PTPN21: variants seen among roughly 807,000 people sequenced by gnomAD.
The protein encoded by PTPN21 is protein tyrosine phosphatase non-receptor type 21, also known as tyrosine-protein phosphatase non-receptor type 21.
Under a neutral mutation model 131.8 loss-of-function variants are expected in PTPN21, and 77 were observed. That is an observed-to-expected ratio of 0.58 (90% CI 0.49 to 0.71). PTPN21 has a LOEUF of 0.71. PTPN21 is among the 30% of genes least tolerant of loss of function. The pLI, the probability that PTPN21 is intolerant of heterozygous loss-of-function variation, is 0.00. For synonymous variants in PTPN21, 715 were observed against 621.3 expected, an observed-to-expected ratio of 1.15 and a Z score of -2.24; for missense variants, 1,552 against 1,527.1, an observed-to-expected ratio of 1.02 and a Z score of -0.27.
chr14:88,501,020 A>C, intron 7 of PTPN21, 149 bp from the exon 8 acceptor site: 1 of 657,870 alleles, frequency 1.5e-6, no homozygotes, highest in Non-Finnish European at 2.7e-6. Flanking sequence ...AATGAGATCT[A>C]TGATCTTATA....
chr14:88,522,492 T>C (rs993036608), intron 2 of PTPN21, among the ~76,000 whole-genome samples: 2 of 151,904 alleles, frequency 1.3e-5, no homozygotes, highest in Non-Finnish European at 2.9e-5. Flanking sequence ...TTAGCTCTTT[T>C]AAATAAAGGA....
intron 10 of PTPN21, among the ~76,000 whole-genome samples, chr14:88,496,174 A>G (rs1188737835): frequency 6.6e-6 from 1 of 152,214 alleles, no homozygotes; most frequent in African/African-American, 2.4e-5. Context: ...CAAATAAAGG[A>G]TATTATTCCC....
At chr14:88,520,658 G>C (rs1325675990) in intron 2 of PTPN21, among the ~76,000 whole-genome samples, 2 of 152,076 alleles carry the variant, frequency 1.3e-5, no homozygotes, top group African/African-American at 4.8e-5. Flanking sequence ...AATAGAAAGA[G>C]CTTGATGCTT....
chr14:88,479,596 G>C lies in PTPN21; in HGVS notation c.1835C>G (p.Pro612Arg). The C allele has an allele frequency of 1.9e-6, 3 of 1,588,534 alleles. No individual in the cohort carries two copies. The East Asian group carries it at 6.7e-5, about 36-fold the overall frequency. The change falls in exon 13 of 19, where the codon CCC becomes CGC. Residue 612 changes from proline (P) to arginine (R), a missense_variant. Around this residue, in one of 4 missense-constraint regions of PTPN21, gnomAD observed 1,016 missense variants for 883.5 expected, o/e 1.15. Transcript: ENST00000556564. ...SVQTFQEDSL[P>R]VAHSLQEVSE... is the part of the protein sequence containing the mutation. ...GACCTCCTGCAGCGAGTGCGCCACG[G>C]GCAGGCTGTCCTCCTGGAACGTTTG...
At chr14:88,527,033 A>G (rs1368795669) in intron 2 of PTPN21, among the ~76,000 whole-genome samples, 1 of 152,080 alleles carries the variant, frequency 6.6e-6, no homozygotes, top group African/African-American at 2.4e-5. Flanking sequence ...TGTGTGTCAC[A>G]TTTTCCCTTA....
At chr14:88,550,177 G>A (rs2078843141) in intron 2 of PTPN21, 61 bp downstream of exon 2, 1 of 1,523,212 alleles carries the variant, frequency 6.6e-7, no homozygotes, top group Admixed American at 1.9e-5. Flanking sequence ...GCCTCTCAAA[G>A]TGCTGGGATT....
rs779385440 is a variant in PTPN21, at chr14:88,469,862, GAT to G, written c.3000+58_3000+59del. On this transcript the variant is annotated intron_variant, in intron 16 of 18. Transcript: ENST00000556564. This position sits in a 1 kb window ranked among gnomAD's most constrained non-coding sequence, Gnocchi z 4.3. ...TTCTCCACAGGTCAGGATTCCAGAT[GAT>G]TAACATTAACTGTTCTTCAGAGGCT... The G allele has an allele frequency of 1.2e-6, 2 of 1,609,728 alleles. No individual in the cohort carries two copies. The highest frequency in any genetic ancestry group is 2.7e-5 in the African/African-American group (2 of 74,848).
intron 10 of PTPN21, among the ~76,000 whole-genome samples, chr14:88,489,342 T>A (rs1244884107): frequency 6.6e-6 from 1 of 152,190 alleles, no homozygotes; most frequent in Non-Finnish European, 1.5e-5. Flanking sequence ...CATTGAAAGC[T>A]CATGCACTAA....
At chr14:88,494,794 A>G (rs1341132470) in intron 10 of PTPN21, among the ~76,000 whole-genome samples, 1 of 152,046 alleles carries the variant, frequency 6.6e-6, no homozygotes, top group African/African-American at 2.4e-5. Context: ...CAGGTGGATC[A>G]CGAGGTCAGG....
intron 3 of PTPN21, among the ~76,000 whole-genome samples, chr14:88,509,562 T>C (rs770540205): frequency 6.6e-6 from 1 of 152,228 alleles, no homozygotes; most frequent in Non-Finnish European, 1.5e-5. Context: ...GATTTCCCTC[T>C]ATAGCTAATG....
Position 88,507,909 on chromosome 14 carries a change from T to C in PTPN21, c.448+14A>G. ...TCTGATAGAACCATTTCATTATGAA[T>C]TGATCTTATTTACCTTGAACAGCTA... On this transcript the variant is annotated intron_variant, in intron 4 of 18. Coordinates refer to ENST00000556564, the MANE Select transcript of PTPN21 (RefSeq NM_007039.4). 2 of 1,492,662 alleles carry C rather than the reference T, an allele frequency of 1.3e-6. No individual in the cohort carries two copies. The highest frequency in any genetic ancestry group is 1.2e-5 in the South Asian group (1 of 83,502). The allele number at this position is 1,492,662 out of a possible 1,614,324, so 92.5% of individuals were successfully genotyped here.
intron 12 of PTPN21, among the ~76,000 whole-genome samples, chr14:88,481,636 T>G (rs1292477562): frequency 6.6e-6 from 1 of 151,934 alleles, no homozygotes; most frequent in African/African-American, 2.4e-5. Flanking sequence ...GGAGAAGAGA[T>G]GAAGGGTTAC....
intron 2 of PTPN21, among the ~76,000 whole-genome samples, chr14:88,529,424 G>C (rs896057078): frequency 6.6e-6 from 1 of 152,046 alleles, no homozygotes; most frequent in African/African-American, 2.4e-5. Context: ...CTGGTCTGTA[G>C]CCTTTTTTGG....
rs1034557318 is a variant in PTPN21 at position 88,550,632 on chromosome 14, G to A, written c.-202-13C>T. ...ATTGACGCCAGCGCTGGGGAAAGAG[G>A]AACGCCGTTAGTTAAGCAAACGTAA... On this transcript the variant is annotated splice_polypyrimidine_tract_variant and intron_variant, in intron 1 of 18. Coordinates refer to ENST00000556564, the MANE Select transcript of PTPN21 (RefSeq NM_007039.4). 1.8e-5 allele frequency: 9 copies of A among 495,220 alleles called. No homozygotes were observed. The highest frequency in any genetic ancestry group is 1.5e-4 in the African/African-American group (8 of 51,792). The allele number at this position is 495,220 out of a possible 1,614,324, so 30.7% of individuals were successfully genotyped here. A position where few individuals can be genotyped will look rare whatever the true frequency, so the allele number is the denominator to read the frequency against.
intron 2 of PTPN21, among the ~76,000 whole-genome samples, chr14:88,538,337 A>G (rs2078658466): frequency 6.6e-6 from 1 of 152,160 alleles, no homozygotes; most frequent in Non-Finnish European, 1.5e-5. Flanking sequence ...GCAAGCAGAT[A>G]TTGCTTTGGA....
intron 2 of PTPN21, among the ~76,000 whole-genome samples, chr14:88,550,026 C>T (rs1054646215): frequency 6.6e-6 from 1 of 152,074 alleles, no homozygotes; most frequent in African/African-American, 2.4e-5. Context: ...CCTTGTGATT[C>T]GCCCGCCTCG....
At chr14:88,518,781 T>C (rs2078344319) in intron 2 of PTPN21, among the ~76,000 whole-genome samples, 1 of 152,016 alleles carries the variant, frequency 6.6e-6, no homozygotes, top group Non-Finnish European at 1.5e-5. Context: ...CCCAGTAGAA[T>C]GCTGAGTAAG....
intron 2 of PTPN21, among the ~76,000 whole-genome samples, chr14:88,523,922 G>C (rs1183100003): frequency 6.6e-6 from 1 of 152,082 alleles, no homozygotes; most frequent in East Asian, 1.9e-4. Flanking sequence ...ATTTGACCAA[G>C]AAGGTGAAAA....
chr14:88,554,355 G>A (rs1309691278), intron 1 of PTPN21, among the ~76,000 whole-genome samples: 1 of 152,100 alleles, frequency 6.6e-6, no homozygotes, highest in Non-Finnish European at 1.5e-5. Flanking sequence ...ATTCTGAGAG[G>A]CACAAATATG....
Sources: gnomAD v4.1 joint callset for allele counts (sites outside exome capture counted in the v4.1 genomes callset) on GRCh38, gnomAD v4.1.1 for gene constraint, gnomAD v4.1.1 regional missense constraint, Gnocchi (gnomAD v3.1) non-coding constraint, MANE v1.5 for transcripts, NCBI Gene and HGNC (gene_info 2026-07-23, HGNC 2026-07-21) for gene names.